NEMP2: variants seen among roughly 807,000 people sequenced by gnomAD.
NEMP2 encodes the protein nuclear envelope integral membrane protein 2, also known as UPF0571 transmembrane protein.
NEMP2 carries 53 observed loss-of-function variants against 54.2 expected under a neutral mutation model. The observed-to-expected ratio is 0.98, with a 90% CI of 0.78 to 1.23. The LOEUF is 1.23. NEMP2 is among the 50% of genes most tolerant of loss of function. The pLI, the probability that NEMP2 is intolerant of heterozygous loss-of-function variation, is 0.00. For missense variants in NEMP2, 455 were observed against 511.3 expected (o/e 0.89, Z 1.06); for synonymous variants, 197 against 190.3 (o/e 1.04, Z -0.29).
the NEMP2 span, chr2:190,436,136 C>G: frequency 6.2e-7 from 1 of 1,614,080 alleles, no homozygotes; most frequent in Non-Finnish European, 8.5e-7. This position sits in a 1 kb window ranked among gnomAD's most constrained non-coding sequence, Gnocchi z 5.3. Context: ...CCAGAACCAC[C>G]TTCGAATGAA....
chr2:190,491,290 T>C, the NEMP2 span, among the ~76,000 whole-genome samples: 1 of 152,172 alleles, frequency 6.6e-6, no homozygotes, highest in Non-Finnish European at 1.5e-5. This position sits in a 1 kb window ranked among gnomAD's most constrained non-coding sequence, Gnocchi z 4.2. Context: ...CAGCTCACAC[T>C]CAGGTGGACC....
the NEMP2 span, among the ~76,000 whole-genome samples, chr2:190,488,250 T>C: frequency 2.6e-5 from 4 of 152,226 alleles, no homozygotes. The surrounding 1 kb of genome is among the most constrained non-coding windows in gnomAD (Gnocchi z 6.4). Flanking sequence ...ACCAGGTTGA[T>C]AGCAGCATTA....
the NEMP2 span, among the ~76,000 whole-genome samples, chr2:190,433,989 G>C: frequency 6.6e-6 from 1 of 152,052 alleles, no homozygotes; most frequent in Non-Finnish European, 1.5e-5. This position sits in a 1 kb window ranked among gnomAD's most constrained non-coding sequence, Gnocchi z 4.5. Context: ...CCAGGAGTTG[G>C]AGAACGGCCT....
At chr2:190,589,104 CT>C in the NEMP2 span, among the ~76,000 whole-genome samples, 1 of 152,134 alleles carries the variant, frequency 6.6e-6, no homozygotes, top group African/African-American at 2.4e-5. The surrounding 1 kb of genome is among the most constrained non-coding windows in gnomAD (Gnocchi z 4.3). Context: ...ACACTCTGTA[CT>C]TTGGGGCCCC....
At chr2:190,466,704 G>A in the NEMP2 span, among the ~76,000 whole-genome samples, 4 of 152,200 alleles carry the variant, frequency 2.6e-5, no homozygotes, top group African/African-American at 9.7e-5. Context: ...GGCTCAGAGA[G>A]ATGAAATAAC....
the NEMP2 span, among the ~76,000 whole-genome samples, chr2:190,601,573 T>C: frequency 1.3e-5 from 2 of 152,182 alleles, no homozygotes; most frequent in African/African-American, 4.8e-5. The surrounding 1 kb of genome is among the most constrained non-coding windows in gnomAD (Gnocchi z 5.8). Flanking sequence ...AATAGACATA[T>C]ACATATAAGG....
At chr2:190,534,006 C>T in intron 1 of NEMP2, 21 of 985,140 alleles carry the variant, frequency 2.1e-5, no homozygotes, top group Non-Finnish European at 2.2e-5. Flanking sequence ...TGTGAGGCCT[C>T]ATTACCTGCC....
In NEMP2 at chr2:190,509,201, C is replaced by G. The variant is rs542495232; in HGVS notation, c.1242G>C (p.Pro414=). 1 of 1,551,628 alleles carries G rather than the reference C, an allele frequency of 6.4e-7. No individual in the cohort carries two copies. Residue 414 remains proline (P), a synonymous_variant, in exon 9 of 9, where the codon CCG becomes CCC. Coordinates refer to ENST00000409150, the MANE Select transcript of NEMP2 (RefSeq NM_001142645.2). This position sits in a 1 kb window ranked among gnomAD's most constrained non-coding sequence, Gnocchi z 6.1. ...GAFLEEQLFN[P]STA ...TGAAGGTCGCATGTCAGGCAGTACT[C>G]GGGTTAAAGAGCTGCTCTTCCAAGA...
chr2:190,575,504 A>C, the NEMP2 span, among the ~76,000 whole-genome samples: 1 of 152,170 alleles, frequency 6.6e-6, no homozygotes, highest in Middle Eastern at 3.2e-3. Context: ...GCCATTTCAC[A>C]GCTTGTTAGT....
chr2:190,639,644 TTTTTGTTTTTTG>T, the NEMP2 span, among the ~76,000 whole-genome samples: 2,566 of 151,924 alleles, frequency 0.017, 20 homozygotes, highest in South Asian at 0.043. Flanking sequence ...GAGTTTTTTT[TTTTTGTTTTTTG>T]TTTTTGTTTT....
chr2:190,572,834 TATATATATATA>T, the NEMP2 span, among the ~76,000 whole-genome samples: 4 of 37,768 alleles, frequency 1.1e-4, no homozygotes, highest in African/African-American at 2.4e-4. Flanking sequence ...TTTTCATGAG[TATATATATATA>T]TATATATATA....
chr2:190,457,085 T>C, the NEMP2 span, among the ~76,000 whole-genome samples: 1 of 152,188 alleles, frequency 6.6e-6, no homozygotes, highest in African/African-American at 2.4e-5. This position sits in a 1 kb window ranked among gnomAD's most constrained non-coding sequence, Gnocchi z 5.1. Flanking sequence ...GTCCGTTTCT[T>C]ATGGTCCAAT....
chr2:190,516,477 C>A (rs746327349), intron 5 of NEMP2, 93 bp from the exon 6 acceptor site: 23 of 921,766 alleles, frequency 2.5e-5, no homozygotes, highest in Non-Finnish European at 3.8e-5. Context: ...ATTAGAAACT[C>A]CTACATCAAA....
At chr2:190,648,650 T>C in the NEMP2 span, among the ~76,000 whole-genome samples, 1 of 149,908 alleles carries the variant, frequency 6.7e-6, no homozygotes. Context: ...CCCAGTTCAC[T>C]CCGCAGCTGG....
At chr2:190,515,756 T>C (rs545763467) in intron 6 of NEMP2, among the ~76,000 whole-genome samples, 6 of 152,348 alleles carry the variant, frequency 3.9e-5, no homozygotes, top group Admixed American at 1.3e-4. Flanking sequence ...TGTCCATTAT[T>C]TTCTAGTTAA....
At chr2:190,580,149 C>G in the NEMP2 span, among the ~76,000 whole-genome samples, 1 of 152,196 alleles carries the variant, frequency 6.6e-6, no homozygotes, top group African/African-American at 2.4e-5. This position sits in a 1 kb window ranked among gnomAD's most constrained non-coding sequence, Gnocchi z 5.3. Context: ...TGCGTGTCCA[C>G]AGGCCACTCA....
the NEMP2 span, among the ~76,000 whole-genome samples, chr2:190,572,836 TATATATATATA>T: frequency 2.5e-3 from 233 of 93,918 alleles, 10 homozygotes; most frequent in African/African-American, 2.9e-3. Context: ...TTCATGAGTA[TATATATATATA>T]TATATATATA....
the NEMP2 span, among the ~76,000 whole-genome samples, chr2:190,595,495 A>G: frequency 6.6e-6 from 1 of 152,346 alleles, no homozygotes; most frequent in Admixed American, 6.5e-5. This position sits in a 1 kb window ranked among gnomAD's most constrained non-coding sequence, Gnocchi z 4.0. Flanking sequence ...AAATTTTTGT[A>G]ATCTATCCAT....
At chr2:190,600,541 G>C in the NEMP2 span, among the ~76,000 whole-genome samples, 1 of 152,170 alleles carries the variant, frequency 6.6e-6, no homozygotes, top group African/African-American at 2.4e-5. This position sits in a 1 kb window ranked among gnomAD's most constrained non-coding sequence, Gnocchi z 4.9. Context: ...CCTCCTTGGG[G>C]TGGGTGAATC....
Sources: gnomAD v4.1 joint callset for allele counts (sites outside exome capture counted in the v4.1 genomes callset) on GRCh38, gnomAD v4.1.1 for gene constraint, Gnocchi (gnomAD v3.1) non-coding constraint, MANE v1.5 for transcripts, NCBI Gene and HGNC (gene_info 2026-07-23, HGNC 2026-07-21) for gene names.